SVIL: variants seen among roughly 807,000 people sequenced by gnomAD.
SVIL encodes supervillin.
In SVIL, 101 loss-of-function variants were observed where a neutral mutation model predicts 240.4. The observed-to-expected ratio is 0.42, with a 90% CI of 0.36 to 0.50. The LOEUF is 0.50. SVIL is among the 20% of genes least tolerant of loss of function. The probability of loss-of-function intolerance (pLI) is 0.01; values close to 1 mark genes in which losing one functional copy is unlikely to be tolerated. For synonymous variants in SVIL, 999 were observed against 1,100.0 expected (o/e 0.91, Z 1.82); for missense variants, 2,512 against 2,818.7 (o/e 0.89, Z 2.46).
At chr10:29,480,506 C>G (rs1208472458) in intron 29 of SVIL, 31 bp downstream of exon 29, 32 of 1,605,812 alleles carry the variant, frequency 2.0e-5, no homozygotes, top group Non-Finnish European at 2.5e-5. Context: ...CAGCCTCTTT[C>G]AGCTGGAAAA....
chr10:29,584,478 C>T (rs1032908423), intron 1 of SVIL, among the ~76,000 whole-genome samples: 1 of 152,176 alleles, frequency 6.6e-6, no homozygotes, highest in Non-Finnish European at 1.5e-5. Context: ...TGAAGGCTGC[C>T]AGGTGGAGAT....
intron 1 of SVIL, among the ~76,000 whole-genome samples, chr10:29,695,539 A>G (rs1209831574): frequency 1.3e-5 from 2 of 152,104 alleles, no homozygotes; most frequent in East Asian, 1.9e-4. Context: ...TGAGGTCAGG[A>G]GTTTCAGACC....
At chr10:29,547,579 C>T (rs1400069702) in intron 6 of SVIL, among the ~76,000 whole-genome samples, 1 of 152,112 alleles carries the variant, frequency 6.6e-6, no homozygotes, top group Admixed American at 6.6e-5. Context: ...AATATGTCAA[C>T]AATGCTTTTT....
intron 29 of SVIL, among the ~76,000 whole-genome samples, chr10:29,474,485 C>G (rs1425543890): frequency 6.6e-6 from 1 of 151,980 alleles, no homozygotes; most frequent in Non-Finnish European, 1.5e-5. Context: ...GTCCCAGCTA[C>G]TTGGGAGACT....
intron 1 of SVIL, among the ~76,000 whole-genome samples, chr10:29,606,810 A>C (rs1377841889): frequency 1.3e-5 from 2 of 152,124 alleles, no homozygotes; most frequent in African/African-American, 4.8e-5. Flanking sequence ...GCTGGAGTGC[A>C]GTGGCAGGAT....
intron 1 of SVIL, among the ~76,000 whole-genome samples, chr10:29,592,558 G>A (rs1001652417): frequency 6.6e-6 from 1 of 152,170 alleles, no homozygotes; most frequent in Non-Finnish European, 1.5e-5. Flanking sequence ...CGTAATGGAG[G>A]TTTCAATGTC....
chr10:29,700,468 CTTT>C (rs71281545), intron 1 of SVIL, among the ~76,000 whole-genome samples: 4 of 113,122 alleles, frequency 3.5e-5, no homozygotes, highest in East Asian at 2.8e-4. Context: ...TTACTATTTC[CTTT>C]TTTTTTTTTT....
intron 1 of SVIL, among the ~76,000 whole-genome samples, chr10:29,629,506 G>T (rs145714322): frequency 5.9e-5 from 9 of 152,174 alleles, no homozygotes; most frequent in African/African-American, 2.2e-4. Flanking sequence ...TAAAGTTTGG[G>T]CTGCACTGGC....
At position 29,527,884 on chromosome 10, in the gene SVIL, C is replaced by G. The variant is rs1003556700; in HGVS notation, c.2247-828G>C. Among the ~76,000 whole-genome samples the G allele has an allele frequency of 3.3e-5, 5 of 151,952 alleles. No individual in the cohort carries two copies. In the East Asian group the frequency reaches 9.7e-4, roughly 30 times the overall value. Reference sequence around the variant, plus strand: ...GGGATTACAGGCGTGCGCCACCATGCCTGGCCAATATTTTTGTATTTTTTA... The same window carrying G: ...GGGATTACAGGCGTGCGCCACCATGGCTGGCCAATATTTTTGTATTTTTTA... On this transcript the variant is annotated intron_variant, in intron 12 of 37. Coordinates refer to ENST00000355867, the MANE Select transcript of SVIL (RefSeq NM_021738.3).
chr10:29,595,673 A>C (rs551881409), intron 1 of SVIL, among the ~76,000 whole-genome samples: 209 of 152,306 alleles, frequency 1.4e-3, no homozygotes, highest in African/African-American at 5.0e-3. Flanking sequence ...CCCAGGGGAA[A>C]GTCTCTAGCA....
At chr10:29,604,363 CTTTTTTTT>C (rs71525560) in intron 1 of SVIL, among the ~76,000 whole-genome samples, 6 of 38,424 alleles carry the variant, frequency 1.6e-4, no homozygotes, top group East Asian at 6.3e-4. Context: ...CCATGTCTGG[CTTTTTTTT>C]TTTTTTTTTT....
intron 1 of SVIL, among the ~76,000 whole-genome samples, chr10:29,629,106 C>T (rs747644895): frequency 1.2e-4 from 19 of 152,152 alleles, no homozygotes; most frequent in African/African-American, 4.6e-4. Flanking sequence ...AAGAAGTGAT[C>T]GCTTGAGGTC....
chr10:29,470,074 C>T (rs954263570), intron 32 of SVIL, among the ~76,000 whole-genome samples: 1 of 152,178 alleles, frequency 6.6e-6, no homozygotes, highest in African/African-American at 2.4e-5. Flanking sequence ...CTCAGAGCGG[C>T]CCCCAAGTCG....
intron 1 of SVIL, among the ~76,000 whole-genome samples, chr10:29,573,966 G>T (rs1955568159): frequency 2.0e-5 from 3 of 152,192 alleles, no homozygotes; most frequent in Admixed American, 6.5e-5. Context: ...AAAGTGCTGG[G>T]ATTACAGGTG....
Position 29,474,001 on chromosome 10 carries a change from G to A in SVIL, c.5378-12C>T, listed in dbSNP as rs377208403. 1.1e-5 allele frequency: 18 copies of A among 1,611,630 alleles called. No individual in the cohort carries two copies. In the African/African-American group the frequency reaches 2.4e-4, roughly 22 times the overall value. On this transcript the variant is annotated splice_polypyrimidine_tract_variant and intron_variant, in intron 29 of 37. Transcript: ENST00000355867. ...CTGGCGACTTCCCACTGCAAACACA[G>A]AATGGCAGAGGGACAGGTCAGCAGC...
intron 1 of SVIL, among the ~76,000 whole-genome samples, chr10:29,624,668 A>G (rs1181015069): frequency 1.3e-5 from 2 of 152,184 alleles, no homozygotes; most frequent in Non-Finnish European, 2.9e-5. Context: ...ACAAAGTCTC[A>G]TTAAAAAAAA....
chr10:29,709,664 T>A (rs1963142367), intron 1 of SVIL, among the ~76,000 whole-genome samples: 2 of 152,142 alleles, frequency 1.3e-5, no homozygotes, highest in African/African-American at 4.8e-5. Context: ...CCCAGGGGCG[T>A]CACCCCAGTG....
At chr10:29,529,068 C>A (rs955748378) in intron 12 of SVIL, among the ~76,000 whole-genome samples, 2 of 147,552 alleles carry the variant, frequency 1.4e-5, no homozygotes, top group Non-Finnish European at 3.0e-5. Flanking sequence ...CCCAACTACT[C>A]GGGAGGTGGA....
At chr10:29,707,250 A>G (rs1390752947) in intron 1 of SVIL, among the ~76,000 whole-genome samples, 1 of 152,220 alleles carries the variant, frequency 6.6e-6, no homozygotes, top group Non-Finnish European at 1.5e-5. Context: ...TTTTCACGAT[A>G]TTGATTCTTC....
Sources: gnomAD v4.1 joint callset for allele counts (sites outside exome capture counted in the v4.1 genomes callset) on GRCh38, gnomAD v4.1.1 for gene constraint, MANE v1.5 for transcripts, NCBI Gene and HGNC (gene_info 2026-07-23, HGNC 2026-07-21) for gene names.